TLL2: variants seen among roughly 807,000 people sequenced by gnomAD.
The protein encoded by TLL2 is tolloid-like protein 2.
A neutral mutation model predicts 123.0 loss-of-function variants in TLL2; 106 were observed. That is an observed-to-expected ratio of 0.86 (90% CI 0.74 to 1.01). The LOEUF (loss-of-function observed/expected upper bound fraction) is 1.01. Ranked by LOEUF, TLL2 falls within the 50% of genes least tolerant of loss-of-function variation. TLL2 has a pLI of 0.00. For missense variants in TLL2, 1,332 were observed against 1,336.7 expected (o/e 1.00, Z 0.06); for synonymous variants, 494 against 516.8 (o/e 0.96, Z 0.60).
chr10:96,420,177 CAA>C (rs1346315384), intron 7 of TLL2, among the ~76,000 whole-genome samples: 1 of 152,126 alleles, frequency 6.6e-6, no homozygotes, highest in Non-Finnish European at 1.5e-5. Flanking sequence ...GAGAAAGTAC[CAA>C]GAGAGAAAAT....
intron 2 of TLL2, among the ~76,000 whole-genome samples, chr10:96,465,397 T>TA (rs777625478): frequency 4.3e-4 from 65 of 152,266 alleles, no homozygotes; most frequent in South Asian, 3.3e-3. Context: ...TGCAGGGCCA[T>TA]AAACCATCCC....
intron 2 of TLL2, among the ~76,000 whole-genome samples, chr10:96,449,846 C>T (rs1156645954): frequency 6.6e-6 from 1 of 152,168 alleles, no homozygotes; most frequent in Non-Finnish European, 1.5e-5. Flanking sequence ...TGGCCAAACC[C>T]TACTGGTCCT....
intron 13 of TLL2, among the ~76,000 whole-genome samples, chr10:96,388,693 C>G (rs1188663207): frequency 6.6e-6 from 1 of 152,212 alleles, no homozygotes; most frequent in Non-Finnish European, 1.5e-5. Flanking sequence ...CTCCAATCAT[C>G]CAGCTTCCCT....
intron 3 of TLL2, among the ~76,000 whole-genome samples, chr10:96,444,394 A>C (rs574571732): frequency 6.6e-6 from 1 of 152,368 alleles, no homozygotes; most frequent in Non-Finnish European, 1.5e-5. Flanking sequence ...TATCTACTCA[A>C]AAGAATACAT....
At chr10:96,498,098 T>C (rs1400356139) in intron 1 of TLL2, among the ~76,000 whole-genome samples, 2 of 152,350 alleles carry the variant, frequency 1.3e-5, no homozygotes, top group East Asian at 1.9e-4. Context: ...CAGGCACATC[T>C]CATAAGCCCT....
chr10:96,446,265 T>C, intron 2 of TLL2, 97 bp from the exon 3 acceptor site: 1 of 1,117,050 alleles, frequency 9.0e-7, no homozygotes, highest in Non-Finnish European at 1.3e-6. Context: ...CTGGGGAGGA[T>C]CAGAATCACC....
chr10:96,454,724 G>A (rs567212469), intron 2 of TLL2, among the ~76,000 whole-genome samples: 8 of 152,180 alleles, frequency 5.3e-5, no homozygotes, highest in Admixed American at 2.0e-4. Context: ...TTGAGAGAGC[G>A]AATACATGCA....
intron 1 of TLL2, among the ~76,000 whole-genome samples, chr10:96,494,104 A>G (rs1847445028): frequency 6.6e-6 from 1 of 152,220 alleles, no homozygotes; most frequent in Admixed American, 6.5e-5. Flanking sequence ...CAGCCTGGCC[A>G]GCCGGGGACA....
chr10:96,433,008 C>T, intron 3 of TLL2, 46 bp from the exon 4 acceptor site: 1 of 1,590,730 alleles, frequency 6.3e-7, no homozygotes, highest in Non-Finnish European at 8.6e-7. Context: ...TTGGTTCCTC[C>T]TGTGAATTAT....
Position 96,397,209 on chromosome 10 carries a change from T to G in TLL2, c.1361A>C (p.Lys454Thr), listed in dbSNP as rs1337383331. The G allele has an allele frequency of 1.4e-5, 22 of 1,613,650 alleles. No individual in the cohort carries two copies. Among genetic ancestry groups the G allele is most frequent in the Non-Finnish European group, 1.8e-5 (21 of 1,179,812 alleles). Reference sequence around the variant, plus strand: ...ACCTTCGTACGCTGCAAAGAAGCCCTTGCCCAAGATGTTGCTGCTGCTGCG... The same window carrying G: ...ACCTTCGTACGCTGCAAAGAAGCCCGTGCCCAAGATGTTGCTGCTGCTGCG... ...EFRSSSNILG[K>T]GFFAAYEATC... The change falls in exon 11 of 21, where the codon AAG (lysine) becomes ACG (threonine). Residue 454 changes from lysine (K) to threonine (T), a missense_variant. Transcript: ENST00000357947.
chr10:96,413,652 G>A (rs1846528974), intron 7 of TLL2, among the ~76,000 whole-genome samples: 1 of 152,114 alleles, frequency 6.6e-6, no homozygotes, highest in Non-Finnish European at 1.5e-5. Context: ...AGACCACGGT[G>A]TGAATGGCGC....
At chr10:96,464,957 T>C (rs1241988417) in intron 2 of TLL2, among the ~76,000 whole-genome samples, 1 of 152,262 alleles carries the variant, frequency 6.6e-6, no homozygotes. Context: ...TTTTATCACA[T>C]GGTCTTTGCA....
At chr10:96,372,019 AC>A (rs1846088721) in intron 19 of TLL2, among the ~76,000 whole-genome samples, 1 of 151,552 alleles carries the variant, frequency 6.6e-6, no homozygotes, top group African/African-American at 2.4e-5. Flanking sequence ...ATACTCTCCC[AC>A]CCCTTTGTAA....
In TLL2 at chr10:96,395,901, C is replaced by T. The variant is rs368837755; in HGVS notation, c.1504G>A (p.Val502Met). Residue 502 changes from valine (V) to methionine (M), a missense_variant, in exon 12 of 21, where the codon GTG becomes ATG. Transcript: ENST00000357947. ...TCAAAAGCTTGGAAGGTAAGTCCCACGTGAAACCCCTCTGAAACCGTAATC... is the reference window on the plus strand; with the variant it reads ...TCAAAAGCTTGGAAGGTAAGTCCCATGTGAAACCCCTCTGAAACCGTAATC... Reference protein sequence around the residue: ...WRITVSEGFHVGLTFQAFEIE... With the variant: ...WRITVSEGFHMGLTFQAFEIE... 1.2e-5 allele frequency: 20 copies of T among 1,614,070 alleles called. No individual in the cohort carries two copies. Among genetic ancestry groups the T allele is most frequent in the Admixed American group, 3.3e-5 (2 of 60,000 alleles).
intron 10 of TLL2, among the ~76,000 whole-genome samples, chr10:96,404,765 G>A (rs1023193122): frequency 3.3e-5 from 5 of 151,938 alleles, no homozygotes; most frequent in African/African-American, 1.2e-4. Flanking sequence ...AATCAAAATG[G>A]AATCCTACTG....
At chr10:96,498,741 C>T (rs1847504083) in intron 1 of TLL2, among the ~76,000 whole-genome samples, 1 of 152,148 alleles carries the variant, frequency 6.6e-6, no homozygotes, top group Admixed American at 6.5e-5. Context: ...ACTTTTCCAC[C>T]CCTTCCATAT....
intron 10 of TLL2, 100 bp downstream of exon 10, chr10:96,405,132 G>A (rs1846437185): frequency 1.8e-6 from 2 of 1,108,152 alleles, no homozygotes; most frequent in African/African-American, 1.5e-5. Context: ...GCCCTTGAGA[G>A]TTTCCTGTGA....
intron 16 of TLL2, among the ~76,000 whole-genome samples, chr10:96,381,157 G>T (rs980832561): frequency 1.3e-5 from 2 of 152,118 alleles, no homozygotes; most frequent in Non-Finnish European, 2.9e-5. Flanking sequence ...CCCTGCCTGT[G>T]AGGCTCTGCT....
chr10:96,368,340 C>G (rs894343858), intron 20 of TLL2, 118 bp from the exon 21 acceptor site: 93 of 1,205,394 alleles, frequency 7.7e-5, no homozygotes, highest in Non-Finnish European at 1.0e-4. Flanking sequence ...ACCAGAGACT[C>G]TGAAGGGCAT....
Sources: gnomAD v4.1 joint callset for allele counts (sites outside exome capture counted in the v4.1 genomes callset) on GRCh38, gnomAD v4.1.1 for gene constraint, MANE v1.5 for transcripts, NCBI Gene and HGNC (gene_info 2026-07-23, HGNC 2026-07-21) for gene names.